DIS3L2: variants seen among roughly 807,000 people sequenced by gnomAD.
DIS3L2 encodes the protein DIS3 like 3'-5' exoribonuclease 2, also known as DIS3-like exonuclease 2.
DIS3L2 carries 34 observed loss-of-function variants against 97.5 expected under a neutral mutation model. That is an observed-to-expected ratio of 0.35 (90% CI 0.27 to 0.46). DIS3L2 has a LOEUF of 0.46. Among genes scored for constraint, DIS3L2 ranks in the 20% least tolerant of loss-of-function variants. The pLI is 1.00. For missense variants in DIS3L2, 1,038 were observed against 1,146.0 expected (o/e 0.91, Z 1.36); for synonymous variants, 435 against 445.2 (o/e 0.98, Z 0.29).
intron 14 of DIS3L2, 27 bp from the exon 15 acceptor site, chr2:232,329,786 C>CCCGGGGGGGGGGG: frequency 4.6e-6 from 2 of 430,230 alleles, no homozygotes; most frequent in Non-Finnish European, 8.4e-6. Context: ...CCCCAGCGGT[C>CCCGGGGGGGGGGG]CCTCCCATCC....
chr2:232,049,437 GGT>G (rs1695339968), intron 5 of DIS3L2, among the ~76,000 whole-genome samples: 1 of 152,096 alleles, frequency 6.6e-6, no homozygotes, highest in Admixed American at 6.5e-5. Context: ...AGGTCATGAG[GGT>G]AGAGCCCTAC....
intron 8 of DIS3L2, among the ~76,000 whole-genome samples, chr2:232,137,441 G>A (rs190225340): frequency 6.6e-6 from 1 of 152,312 alleles, no homozygotes; most frequent in East Asian, 1.9e-4. Flanking sequence ...ATGATGTCTG[G>A]TTTATGCTTC....
chr2:232,003,178 C>T (rs931200937), intron 1 of DIS3L2, among the ~76,000 whole-genome samples: 1 of 152,178 alleles, frequency 6.6e-6, no homozygotes, highest in African/African-American at 2.4e-5. Flanking sequence ...GACCTTTGTC[C>T]TCCAATCTAG....
chr2:232,300,053 T>G lies in DIS3L2; in HGVS notation c.1673T>G (p.Phe558Cys). The G allele has an allele frequency of 6.2e-7, 1 of 1,613,754 alleles. No individual in the cohort carries two copies. The highest frequency in any genetic ancestry group is 8.5e-7 in the Non-Finnish European group (1 of 1,179,678). Residue 558 changes from phenylalanine (F) to cysteine (C), a missense_variant, in exon 14 of 21, where the codon TTC becomes TGC. By Grantham distance (205) the Phe-to-Cys change is radical. This residue lies in a region of DIS3L2 where 813 missense variants were observed against 880.1 expected (regional missense o/e 0.92). Coordinates refer to ENST00000325385, the MANE Select transcript of DIS3L2 (RefSeq NM_152383.5). Reference protein sequence around the residue: ...ALRLDQLKLAFTLDHETGLPQ... With the variant: ...ALRLDQLKLACTLDHETGLPQ... ...CTCTCTCTTCAGCTAAAGCTTGCTTTCACTCTGGACCACGAGACCGGATTG... is the reference window on the plus strand; with the variant it reads ...CTCTCTCTTCAGCTAAAGCTTGCTTGCACTCTGGACCACGAGACCGGATTG...
chr2:231,968,730 G>A (rs1692801380), intron 1 of DIS3L2, among the ~76,000 whole-genome samples: 1 of 152,136 alleles, frequency 6.6e-6, no homozygotes, highest in Non-Finnish European at 1.5e-5. Flanking sequence ...AAATACCTAG[G>A]AGTAGAATGG....
At chr2:232,086,237 G>C (rs954039621) in intron 5 of DIS3L2, among the ~76,000 whole-genome samples, 4 of 150,662 alleles carry the variant, frequency 2.7e-5, no homozygotes, top group Admixed American at 6.6e-5. Context: ...ACGTGTATAC[G>C]TATATATACA....
At chr2:232,254,922 C>T (rs1163484813) in intron 12 of DIS3L2, among the ~76,000 whole-genome samples, 1 of 152,234 alleles carries the variant, frequency 6.6e-6, no homozygotes, top group Admixed American at 6.5e-5. Flanking sequence ...ACTAACCACA[C>T]TCCTTGTACT....
chr2:232,330,580 G>A, intron 15 of DIS3L2, 110 bp from the exon 16 acceptor site: 5 of 1,151,606 alleles, frequency 4.3e-6, no homozygotes, highest in South Asian at 3.8e-5. Context: ...AGCCCCACAG[G>A]CAACTCCTCC....
intron 9 of DIS3L2, among the ~76,000 whole-genome samples, chr2:232,183,975 G>A (rs954639522): frequency 1.3e-5 from 2 of 152,176 alleles, no homozygotes; most frequent in Non-Finnish European, 2.9e-5. Flanking sequence ...TGATTTTAAG[G>A]CTGGAGAGAG....
chr2:232,210,953 AG>A (rs1427389403), intron 10 of DIS3L2, among the ~76,000 whole-genome samples: 1 of 151,978 alleles, frequency 6.6e-6, no homozygotes, highest in Non-Finnish European at 1.5e-5. Flanking sequence ...CAAACTGATA[AG>A]GGCTCTTTAA....
intron 9 of DIS3L2, among the ~76,000 whole-genome samples, chr2:232,185,549 G>A (rs928665646): frequency 2.6e-5 from 4 of 152,116 alleles, no homozygotes; most frequent in African/African-American, 9.7e-5. Context: ...ATAAAGAAGA[G>A]CAAGGCTGGG....
At chr2:232,134,740 G>C (rs1698310794) in intron 7 of DIS3L2, among the ~76,000 whole-genome samples, 2 of 152,134 alleles carry the variant, frequency 1.3e-5, no homozygotes, top group South Asian at 4.2e-4. Flanking sequence ...GCTAAGGCAG[G>C]AGGATTGCTT....
intron 1 of DIS3L2, among the ~76,000 whole-genome samples, chr2:231,963,362 C>A (rs1166517166): frequency 6.6e-6 from 1 of 152,122 alleles, no homozygotes; most frequent in African/African-American, 2.4e-5. Context: ...TATTTGTTGG[C>A]TGCTTGTATG....
rs754362082 is a variant in DIS3L2 at position 232,336,456 on chromosome 2, GGGCTCTGCA to G, written c.2497-12_2497-4del. On this transcript the variant is annotated splice_region_variant and splice_polypyrimidine_tract_variant and intron_variant, in intron 20 of 20. Transcript: ENST00000325385. Reference sequence around the variant, plus strand: ...CTGCCATCCTTGTCCCCTCACGGCTGGGCTCTGCACAGGTCATCACCATCTTCAGCCTGG... The same window carrying G: ...CTGCCATCCTTGTCCCCTCACGGCTGCAGGTCATCACCATCTTCAGCCTGG... 4.4e-6 allele frequency: 7 copies of G among 1,606,662 alleles called. No individual in the cohort carries two copies. Among genetic ancestry groups the G allele is most frequent in the Non-Finnish European group, 5.9e-6 (7 of 1,177,446 alleles).
intron 5 of DIS3L2, among the ~76,000 whole-genome samples, chr2:232,067,148 A>G (rs916819565): frequency 1.3e-5 from 2 of 151,788 alleles, no homozygotes; most frequent in African/African-American, 4.8e-5. Flanking sequence ...TCTCTCTTAA[A>G]TTTACTGTAT....
chr2:232,063,668 C>G (rs572233131), intron 5 of DIS3L2, among the ~76,000 whole-genome samples: 11 of 152,226 alleles, frequency 7.2e-5, no homozygotes, highest in African/African-American at 2.4e-4. Flanking sequence ...TCACAGGAAG[C>G]AAGACACTGC....
At chr2:232,220,233 T>TGG (rs1220996187) in intron 10 of DIS3L2, among the ~76,000 whole-genome samples, 2 of 151,926 alleles carry the variant, frequency 1.3e-5, no homozygotes, top group African/African-American at 4.8e-5. Flanking sequence ...CACTTGAGCC[T>TGG]GGGGGTTCAA....
At position 232,311,371 on chromosome 2, in the gene DIS3L2, T is replaced by C. The variant is rs376633639; in HGVS notation, c.1739+11252T>C. 8.5e-5 allele frequency among the ~76,000 whole-genome samples: 13 copies of C among 152,290 alleles called. No individual in the cohort carries two copies. In the East Asian group the frequency reaches 1.2e-3, roughly 14 times the overall value. On this transcript the variant is annotated intron_variant, in intron 14 of 20. Transcript: ENST00000325385. Reference sequence around the variant, plus strand: ...GAATTATGACATGCATAGAGAAAAGTGTACAAATTATAAGCATCTAGTTCA... The same window carrying C: ...GAATTATGACATGCATAGAGAAAAGCGTACAAATTATAAGCATCTAGTTCA...
At chr2:232,132,238 T>C (rs1574899367) in intron 7 of DIS3L2, among the ~76,000 whole-genome samples, 1 of 152,180 alleles carries the variant, frequency 6.6e-6, no homozygotes. Flanking sequence ...CAAACAGCAC[T>C]TGCCTGCGAA....
Sources: allele counts gnomAD v4.1 joint callset (sites outside exome capture counted in the v4.1 genomes callset), GRCh38; gene constraint gnomAD v4.1.1; regional missense constraint gnomAD v4.1.1; transcripts MANE v1.5; gene names NCBI Gene and HGNC (gene_info 2026-07-23, HGNC 2026-07-21).